The following NAV3 variants were observed in gnomAD, a reference collection of about 807,000 sequenced individuals.
NAV3 encodes the protein pore membrane and/or filament interacting like protein 1.
A neutral mutation model predicts 244.7 loss-of-function variants in NAV3; 87 were observed. The ratio of observed to expected loss-of-function variants is 0.36; its 90% CI spans 0.30 to 0.42. The LOEUF (loss-of-function observed/expected upper bound fraction) is 0.42, where lower values mean the gene tolerates loss of function less well. NAV3 is among the 20% of genes least tolerant of loss of function. NAV3 has a pLI of 1.00. For synonymous variants in NAV3, 1,126 were observed against 1,042.2 expected, an observed-to-expected ratio of 1.08 and a Z score of -1.55; for missense variants, 2,663 against 2,893.3, an observed-to-expected ratio of 0.92 and a Z score of 1.83.
intron 2 of NAV3, among the ~76,000 whole-genome samples, chr12:77,678,392 A>G (rs1384365844): frequency 6.6e-6 from 1 of 152,128 alleles, no homozygotes; most frequent in Non-Finnish European, 1.5e-5. Context: ...AATGGAAATT[A>G]TTGTTTCTAT....
chr12:77,706,908 A>AAC lies in NAV3; in HGVS notation c.72+134642_72+134643insAC, dbSNP rs1403882763. ...AAAAAAAAAAACCAAAAAAAAAAAAACTAGGAAAAAAAGCATGCCCTCTTG... is the reference window on the plus strand; with the variant it reads ...AAAAAAAAAAACCAAAAAAAAAAAAAACCTAGGAAAAAAAGCATGCCCTCTTG... On this transcript the variant is annotated intron_variant, in intron 2 of 8. Coordinates refer to the NAV3 transcript ENST00000550042. Among the ~76,000 whole-genome samples, 65 of 142,348 alleles carry AAC rather than the reference A, an allele frequency of 4.6e-4. 1 individual carries two copies. Among genetic ancestry groups the AAC allele is most frequent in the African/African-American group, 1.7e-3 (63 of 36,104 alleles). 93.4% of individuals were successfully genotyped at this position (142,348 alleles called of 152,430 possible).
intron 1 of NAV3, among the ~76,000 whole-genome samples, chr12:77,931,224 T>C (rs1319367535): frequency 2.6e-5 from 4 of 152,184 alleles, no homozygotes; most frequent in Non-Finnish European, 5.9e-5. Context: ...CTTCCAGCCT[T>C]TCAGCTTTAA....
At chr12:77,741,148 CAAAA>C in intron 2 of NAV3, among the ~76,000 whole-genome samples, 1 of 68,666 alleles carries the variant, frequency 1.5e-5, no homozygotes, top group Admixed American at 1.8e-4. Flanking sequence ...AAAAAAAAGA[CAAAA>C]AAAAAAAAAA....
Position 77,831,264 on chromosome 12 carries a change from C to A in NAV3, c.-198C>A. ...GAGAATGAATATGAATCCCAGCCAG[C>A]AAGAAAGAAAAGATACTTAACTAAA... On this transcript the variant is annotated 5_prime_UTR_variant, in exon 1 of 40. Transcript: ENST00000397909. 1.1e-5 allele frequency: 5 copies of A among 469,148 alleles called. No individual in the cohort carries two copies. The highest frequency in any genetic ancestry group is 1.1e-5 in the Non-Finnish European group (3 of 267,584). The allele number at this position is 469,148 out of a possible 1,614,324, so 29.1% of individuals were successfully genotyped here.
Position 78,021,794 on chromosome 12 carries a change from G to T in NAV3, c.1955G>T (p.Cys652Phe), listed in dbSNP as rs779043567. The T allele has an allele frequency of 2.5e-6, 4 of 1,611,042 alleles. No homozygotes were observed. In the South Asian group the frequency reaches 4.4e-5, roughly 18 times the overall value. ...ACCGCTTTACCATCGGCTGACTCCT[G>T]TACCAGTCCTACAAAGATGGACTTA... is the stretch of plus-strand genomic sequence containing the variant. ...EGTALPSADS[C>F]TSPTKMDLSY... Residue 652 changes from cysteine (C) to phenylalanine (F), a missense_variant, in exon 9 of 40, where the codon TGT (cysteine) becomes TTT (phenylalanine). By Grantham distance (205) the Cys-to-Phe change is radical. Transcript: ENST00000397909.
chr12:78,095,460 A>T (rs1034933017), intron 12 of NAV3, among the ~76,000 whole-genome samples: 1 of 152,198 alleles, frequency 6.6e-6, no homozygotes, highest in Non-Finnish European at 1.5e-5. Context: ...CAATGTGACT[A>T]TTCGTAGGTA....
chr12:77,822,197 G>C (rs528503060), intron 2 of NAV3, among the ~76,000 whole-genome samples: 39 of 152,272 alleles, frequency 2.6e-4, no homozygotes, highest in African/African-American at 9.1e-4. Flanking sequence ...GAAGCCTGTA[G>C]GGTAGTAAAT....
intron 11 of NAV3, among the ~76,000 whole-genome samples, chr12:78,052,904 C>A (rs1057421778): frequency 9.2e-5 from 14 of 151,658 alleles, no homozygotes; most frequent in Non-Finnish European, 2.1e-4. Flanking sequence ...CATAAGTATA[C>A]CCATATAATA....
chr12:78,121,527 A>G (rs2138667932), intron 15 of NAV3, among the ~76,000 whole-genome samples: 1 of 152,304 alleles, frequency 6.6e-6, no homozygotes, highest in South Asian at 2.1e-4. Flanking sequence ...AATAAAAAAA[A>G]AAGAGAAGAG....
intron 2 of NAV3, among the ~76,000 whole-genome samples, chr12:77,583,262 C>T (rs1358181586): frequency 1.3e-5 from 2 of 152,176 alleles, no homozygotes; most frequent in South Asian, 2.1e-4. Flanking sequence ...CTCTTACCAG[C>T]TGCTTGATTA....
At chr12:77,775,615 T>G (rs766774773) in intron 2 of NAV3, among the ~76,000 whole-genome samples, 2 of 152,204 alleles carry the variant, frequency 1.3e-5, no homozygotes, top group Non-Finnish European at 2.9e-5. Context: ...TATATAAGTA[T>G]GTATACCACG....
intron 2 of NAV3, among the ~76,000 whole-genome samples, chr12:77,741,148 C>CAAAAAAAAAAAAAAAAAAAAAGA: frequency 1.5e-5 from 1 of 68,668 alleles, no homozygotes; most frequent in African/African-American, 5.9e-5. Flanking sequence ...AAAAAAAAGA[C>CAAAAAAAAAAAAAAAAAAAAAGA]AAAAAAAAAA....
chr12:78,153,800 T>G (rs1957167603), intron 22 of NAV3, among the ~76,000 whole-genome samples: 1 of 152,120 alleles, frequency 6.6e-6, no homozygotes, highest in Non-Finnish European at 1.5e-5. Flanking sequence ...GCTTATTTAA[T>G]ATTTTCATAA....
chr12:77,611,137 A>G (rs921414463), intron 2 of NAV3, among the ~76,000 whole-genome samples: 2 of 152,044 alleles, frequency 1.3e-5, no homozygotes, highest in African/African-American at 2.4e-5. Flanking sequence ...TTAGTTTTAT[A>G]TCTAATAAGC....
chr12:77,577,192 C>A (rs1869128501), intron 2 of NAV3, among the ~76,000 whole-genome samples: 3 of 152,188 alleles, frequency 2.0e-5, no homozygotes, highest in Non-Finnish European at 4.4e-5. Flanking sequence ...TCCCTAATTT[C>A]TACCTCTGCT....
intron 8 of NAV3, among the ~76,000 whole-genome samples, chr12:78,021,264 C>A (rs992453731): frequency 3.9e-5 from 6 of 151,996 alleles, no homozygotes; most frequent in African/African-American, 1.4e-4. Flanking sequence ...GCTCTGAAAT[C>A]TTTGGTAATT....
intron 2 of NAV3, among the ~76,000 whole-genome samples, chr12:77,773,000 T>A (rs924703948): frequency 2.0e-5 from 3 of 152,152 alleles, no homozygotes; most frequent in Admixed American, 1.3e-4. Context: ...AAAAAGTAGC[T>A]TAGGTTCTGA....
chr12:77,973,223 G>C (rs929606248), intron 5 of NAV3, among the ~76,000 whole-genome samples: 9 of 151,944 alleles, frequency 5.9e-5, no homozygotes, highest in African/African-American at 2.2e-4. Flanking sequence ...ACAGATAGTG[G>C]TTATTAAATC....
At position 78,122,060 on chromosome 12, in the gene NAV3, A is replaced by G. The variant is rs1955692686; in HGVS notation, c.3870A>G (p.Ser1290=). ...TAGCGCGGCAAGGCAGTCTGGAGTCACCGTCGTCCGGTACGGGCAGCATGG... is the reference window on the plus strand; with the variant it reads ...TAGCGCGGCAAGGCAGTCTGGAGTCGCCGTCGTCCGGTACGGGCAGCATGG... The part of the protein sequence containing the change: ...TTLARQGSLE[S]PSSGTGSMGS... Residue 1290 remains serine (S), a synonymous_variant, in exon 16 of 40, where the codon TCA becomes TCG. Transcript: ENST00000397909. 1 of 1,614,064 alleles carries G rather than the reference A, an allele frequency of 6.2e-7. No homozygotes were observed. Among genetic ancestry groups the G allele is most frequent in the Non-Finnish European group, 8.5e-7 (1 of 1,180,050 alleles).
Sources: gnomAD v4.1 joint callset for allele counts (sites outside exome capture counted in the v4.1 genomes callset) on GRCh38, gnomAD v4.1.1 for gene constraint, MANE v1.5 for transcripts, NCBI Gene and HGNC (gene_info 2026-07-23, HGNC 2026-07-21) for gene names.